PSME4: variants seen among roughly 807,000 people sequenced by gnomAD.
PSME4 encodes proteasome activator complex subunit 4.
PSME4 carries 89 observed loss-of-function variants against 253.9 expected under a neutral mutation model. The ratio of observed to expected loss-of-function variants is 0.35; its 90% CI spans 0.30 to 0.42. The LOEUF is 0.42. PSME4 is among the 10% of genes least tolerant of loss of function. PSME4 has a pLI of 1.00. For synonymous variants in PSME4, 851 were observed against 759.2 expected, an observed-to-expected ratio of 1.12 and a Z score of -1.99; for missense variants, 2,014 against 2,195.2, an observed-to-expected ratio of 0.92 and a Z score of 1.65.
chr2:53,919,694 G>C (rs1449040865), intron 19 of PSME4, among the ~76,000 whole-genome samples: 1 of 152,056 alleles, frequency 6.6e-6, no homozygotes, highest in Non-Finnish European at 1.5e-5. Context: ...TCTTAAATCT[G>C]CTTATGAAAA....
Position 53,901,582 on chromosome 2 carries a change from A to G in PSME4, c.3076-23T>C, listed in dbSNP as rs987239691. The G allele has an allele frequency of 3.8e-6, 6 of 1,562,202 alleles. No individual in the cohort carries two copies. In the African/African-American group the frequency reaches 6.8e-5, roughly 18 times the overall value. On this transcript the variant is annotated intron_variant, in intron 27 of 46. Coordinates refer to ENST00000404125, the MANE Select transcript of PSME4 (RefSeq NM_014614.3). ...ACCCTGCAGAAAAAAAAATATATAT[A>G]TGTTTACATGGGAAATAAGAGGCAT...
rs778779711 is a variant in PSME4, at chr2:53,899,861, G to A, written c.3422+20C>T. The A allele has an allele frequency of 1.9e-6, 3 of 1,610,642 alleles. No individual in the cohort carries two copies. Among genetic ancestry groups the A allele is most frequent in the Non-Finnish European group, 2.5e-6 (3 of 1,178,822 alleles). ...ACTATCTATAATGTCATCTATTGAA[G>A]TACACCATTCATCAATTACCTTAGG... On this transcript the variant is annotated intron_variant, in intron 29 of 46. Transcript: ENST00000404125.
intron 20 of PSME4, among the ~76,000 whole-genome samples, chr2:53,918,260 T>C (rs1668145645): frequency 6.6e-6 from 1 of 152,170 alleles, no homozygotes; most frequent in Admixed American, 6.5e-5. Context: ...AAGATATTGA[T>C]GTTGAAAAAA....
At chr2:53,939,584 GA>G (rs1463187534) in intron 4 of PSME4, among the ~76,000 whole-genome samples, 1 of 152,008 alleles carries the variant, frequency 6.6e-6, no homozygotes, top group Non-Finnish European at 1.5e-5. Flanking sequence ...GAAATAAAAA[GA>G]AAAGAATATG....
chr2:53,869,933 A>G (rs1003560128), intron 43 of PSME4: 2 of 154,472 alleles, frequency 1.3e-5, no homozygotes, highest in African/African-American at 4.8e-5. Context: ...TAACAAAGAC[A>G]CAGACCAACC....
chr2:53,899,152 C>T (rs1680274871), intron 29 of PSME4, among the ~76,000 whole-genome samples: 1 of 152,158 alleles, frequency 6.6e-6, no homozygotes, highest in South Asian at 2.1e-4. Context: ...GTAACCTCTG[C>T]CTCCCAGGTT....
At chr2:53,895,786 AATT>A (rs1680112208) in intron 32 of PSME4, 50 bp from the exon 33 acceptor site, 2 of 1,469,944 alleles carry the variant, frequency 1.4e-6, no homozygotes, top group Non-Finnish European at 1.8e-6. Flanking sequence ...TTCGCCCAAC[AATT>A]ATTACCAAAT....
intron 1 of PSME4, among the ~76,000 whole-genome samples, chr2:53,967,822 T>C (rs1285635739): frequency 1.3e-5 from 2 of 152,168 alleles, no homozygotes; most frequent in Admixed American, 6.6e-5. Context: ...ATTTACACTT[T>C]GGTCTTTAGG....
Position 53,941,988 on chromosome 2 carries a change from G to A in PSME4, c.501-1988C>T, listed in dbSNP as rs532017234. Among the ~76,000 whole-genome samples, 4 of 152,226 alleles carry A rather than the reference G, an allele frequency of 2.6e-5. No homozygotes were observed. The South Asian group carries it at 8.3e-4, about 32-fold the overall frequency. On this transcript the variant is annotated intron_variant, in intron 3 of 46. Transcript: ENST00000404125. ...GTTCCCTTCACGCTTCAGAAGAATA[G>A]GAAGTTAATTATAACACTTGATAGA...
At chr2:53,897,297 GTAGGTGGGAT>G in intron 31 of PSME4, among the ~76,000 whole-genome samples, 1 of 150,916 alleles carries the variant, frequency 6.6e-6, no homozygotes, top group East Asian at 2.0e-4. Context: ...AGCCTCCCAA[GTAGGTGGGAT>G]TACAGGCGTG....
chr2:53,868,574 ATAAAATATATT>A (rs1678714928), intron 44 of PSME4, among the ~76,000 whole-genome samples: 1 of 130,260 alleles, frequency 7.7e-6, no homozygotes. Context: ...AATATATATT[ATAAAATATATT>A]TATAATATAT....
intron 16 of PSME4, 151 bp downstream of exon 16, chr2:53,922,898 G>A (rs1184805454): frequency 1.5e-6 from 1 of 649,704 alleles, no homozygotes. Context: ...TGCCAACCTG[G>A]ATGATATCTT....
At chr2:53,895,758 T>C (rs1255421465) in intron 32 of PSME4, 22 bp from the exon 33 acceptor site, 6 of 1,547,544 alleles carry the variant, frequency 3.9e-6, no homozygotes, top group Middle Eastern at 3.5e-4. Context: ...ACAATCACAT[T>C]TGATGAATTT....
rs776295316 is a variant in PSME4, at chr2:53,928,168, C to T, written c.1452G>A (p.Leu484=). The stretch of plus-strand genomic sequence containing the variant: ...CCACCCCAGGCAATGCTCTCATCAA[C>T]AGAGGTAGCATATGTGTAGGACCTT... ...FPEGPTHMLP[L]LMRALPGVDP... Residue 484 remains leucine (L), a synonymous_variant, in exon 11 of 47, where the codon CTG becomes CTA. Coordinates refer to ENST00000404125, the MANE Select transcript of PSME4 (RefSeq NM_014614.3). The T allele has an allele frequency of 1.4e-5, 23 of 1,613,960 alleles. No individual in the cohort carries two copies. In the East Asian group the frequency reaches 4.5e-4, roughly 31 times the overall value.
At position 53,970,798 on chromosome 2, in the gene PSME4, C is replaced by T. The variant is rs564199868; in HGVS notation, c.-14G>A. 1 of 1,430,346 alleles carries T rather than the reference C, an allele frequency of 7.0e-7. No individual in the cohort carries two copies. Among genetic ancestry groups the T allele is most frequent in the Non-Finnish European group, 9.4e-7 (1 of 1,068,052 alleles). The allele number at this position is 1,430,346 out of a possible 1,614,324, so 88.6% of individuals were successfully genotyped here. A position where few individuals can be genotyped will look rare whatever the true frequency, so the allele number is the denominator to read the frequency against. On this transcript the variant is annotated 5_prime_UTR_variant, in exon 1 of 47. In the 5' UTR this introduces an upstream ATG that the reference lacks. Coordinates refer to ENST00000404125, the MANE Select transcript of PSME4 (RefSeq NM_014614.3). ...GGCCGGCTCCATGAGCCCAGGGACA[C>T]CCCCCCCACCCCCTCCCACCCGAAC...
intron 5 of PSME4, 23 bp downstream of exon 5, chr2:53,937,368 T>C: frequency 6.6e-7 from 1 of 1,512,480 alleles, no homozygotes. Context: ...TTTTAGAATT[T>C]GTCAAGATAT....
chr2:53,886,919 A>C (rs866972321), intron 40 of PSME4, among the ~76,000 whole-genome samples: 1 of 152,202 alleles, frequency 6.6e-6, no homozygotes, highest in Non-Finnish European at 1.5e-5. Context: ...AAAAAGACTT[A>C]TGATTCAACT....
chr2:53,955,918 C>A (rs1558427365), intron 1 of PSME4, among the ~76,000 whole-genome samples: 1 of 151,936 alleles, frequency 6.6e-6, no homozygotes, highest in African/African-American at 2.4e-5. Context: ...AGACCTTAGT[C>A]CCCAAAAAAA....
chr2:53,869,352 G>A (rs1344619620), intron 44 of PSME4, 24 bp downstream of exon 44: 2 of 1,580,034 alleles, frequency 1.3e-6, no homozygotes, highest in Non-Finnish European at 1.7e-6. Context: ...ATAGGATACA[G>A]GTGTTTCCTA....
Sources: gnomAD v4.1 joint callset for allele counts (sites outside exome capture counted in the v4.1 genomes callset) on GRCh38, gnomAD v4.1.1 for gene constraint, MANE v1.5 for transcripts, NCBI Gene and HGNC (gene_info 2026-07-23, HGNC 2026-07-21) for gene names.